The following ZNF385D variants were observed in gnomAD, a reference collection of about 807,000 sequenced individuals.
ZNF385D encodes the protein zinc finger protein 385D.
In ZNF385D, 15 loss-of-function variants were observed where a neutral mutation model predicts 35.8. The observed-to-expected ratio is 0.42, with a 90% confidence interval of 0.28 to 0.64. The LOEUF (loss-of-function observed/expected upper bound fraction) is 0.64, where lower values mean the gene tolerates loss of function less well. Ranked by LOEUF, ZNF385D falls within the 30% of genes least tolerant of loss-of-function variation. ZNF385D has a pLI of 0.23. For missense variants in ZNF385D, 474 were observed against 494.6 expected, an observed-to-expected ratio of 0.96 and a Z score of 0.39; for synonymous variants, 212 against 186.8, an observed-to-expected ratio of 1.13 and a Z score of -1.10.
chr3:22,171,748 G>A (rs1304638383), intron 2 of ZNF385D, among the ~76,000 whole-genome samples: 4 of 151,698 alleles, frequency 2.6e-5, no homozygotes, highest in African/African-American at 7.3e-5. Context: ...GTGGTGCCAG[G>A]CGCCTGTAGT....
intron 3 of ZNF385D, among the ~76,000 whole-genome samples, chr3:21,860,649 T>C (rs932258543): frequency 1.8e-4 from 28 of 152,252 alleles, no homozygotes; most frequent in African/African-American, 5.1e-4. Context: ...ATTGTCAGGT[T>C]TAATAAAATC....
intron 3 of ZNF385D, among the ~76,000 whole-genome samples, chr3:22,060,701 T>G (rs1026412108): frequency 6.6e-6 from 1 of 152,050 alleles, no homozygotes; most frequent in Non-Finnish European, 1.5e-5. Context: ...TTTAGATGAT[T>G]AAAATTAAAG....
chr3:22,158,931 A>T (rs192567187), intron 3 of ZNF385D, among the ~76,000 whole-genome samples: 4 of 152,264 alleles, frequency 2.6e-5, no homozygotes, highest in African/African-American at 9.6e-5. Flanking sequence ...TCTAGGGGAA[A>T]TGTAAAGGAA....
chr3:21,934,556 A>G (rs1207145232), intron 3 of ZNF385D, among the ~76,000 whole-genome samples: 1 of 152,206 alleles, frequency 6.6e-6, no homozygotes, highest in Non-Finnish European at 1.5e-5. Flanking sequence ...CACATATGCA[A>G]AACACAGATG....
intron 1 of ZNF385D, among the ~76,000 whole-genome samples, chr3:21,688,007 A>T (rs1238520148): frequency 6.6e-6 from 1 of 152,020 alleles, no homozygotes; most frequent in Non-Finnish European, 1.5e-5. Flanking sequence ...GGATCCTGCT[A>T]CCTTAGCCTC....
At chr3:22,214,370 G>C (rs1418383575) in intron 2 of ZNF385D, among the ~76,000 whole-genome samples, 1 of 151,958 alleles carries the variant, frequency 6.6e-6, no homozygotes, top group Non-Finnish European at 1.5e-5. Context: ...ATTGTTTGTA[G>C]GGCATGTGTG....
intron 5 of ZNF385D, among the ~76,000 whole-genome samples, chr3:21,433,824 A>T (rs1701417440): frequency 6.6e-6 from 1 of 152,154 alleles, no homozygotes; most frequent in Admixed American, 6.6e-5. Flanking sequence ...TACCATTAAG[A>T]TTTAGTGTAT....
At chr3:21,674,208 T>C (rs140530936) in intron 1 of ZNF385D, among the ~76,000 whole-genome samples, 66 of 152,146 alleles carry the variant, frequency 4.3e-4, no homozygotes, top group African/African-American at 1.5e-3. Flanking sequence ...TTTAATGTCA[T>C]GGAGATTTTT....
At chr3:21,836,273 T>G (rs1356665785) in intron 3 of ZNF385D, among the ~76,000 whole-genome samples, 2 of 152,130 alleles carry the variant, frequency 1.3e-5, no homozygotes, top group Non-Finnish European at 2.9e-5. Flanking sequence ...ATCATTTTCG[T>G]GTCACTTTTT....
At chr3:22,066,490 G>GTGTGTATGTC (rs1699964359) in intron 3 of ZNF385D, among the ~76,000 whole-genome samples, 1 of 147,156 alleles carries the variant, frequency 6.8e-6, no homozygotes, top group Middle Eastern at 3.2e-3. Flanking sequence ...GTGTGTGTGT[G>GTGTGTATGTC]TGTATGTCTG....
intron 1 of ZNF385D, among the ~76,000 whole-genome samples, chr3:21,666,415 C>T (rs2066408352): frequency 6.6e-6 from 1 of 152,172 alleles, no homozygotes; most frequent in Non-Finnish European, 1.5e-5. Context: ...GTATTTTCCC[C>T]CACTGTCTTA....
intron 2 of ZNF385D, among the ~76,000 whole-genome samples, chr3:22,244,306 G>A (rs1013616856): frequency 1.7e-5 from 2 of 117,362 alleles, no homozygotes; most frequent in Non-Finnish European, 3.3e-5. Flanking sequence ...AGAGTTTTAA[G>A]ATAAACTCTC....
chr3:22,127,907 A>G (rs145699994), intron 3 of ZNF385D, among the ~76,000 whole-genome samples: 1 of 152,184 alleles, frequency 6.6e-6, no homozygotes, highest in Non-Finnish European at 1.5e-5. Flanking sequence ...TAGTCTTCCT[A>G]CTAAAGATAT....
intron 3 of ZNF385D, among the ~76,000 whole-genome samples, chr3:22,135,913 A>G (rs1032102333): frequency 3.3e-5 from 5 of 152,212 alleles, no homozygotes; most frequent in Admixed American, 2.0e-4. Flanking sequence ...TACTAAGACA[A>G]TTGCACATCC....
intron 1 of ZNF385D, among the ~76,000 whole-genome samples, chr3:21,740,196 A>C (rs1385713056): frequency 6.6e-6 from 1 of 152,180 alleles, no homozygotes; most frequent in East Asian, 1.9e-4. Context: ...TAGAATAGAA[A>C]TAAGTATACT....
intron 1 of ZNF385D, among the ~76,000 whole-genome samples, chr3:21,738,445 C>G (rs562167316): frequency 1.3e-5 from 2 of 152,272 alleles, no homozygotes; most frequent in South Asian, 4.1e-4. Flanking sequence ...GGTTGCCATA[C>G]TTACAAAAGT....
At chr3:21,943,600 A>G (rs1415237012) in intron 3 of ZNF385D, among the ~76,000 whole-genome samples, 1 of 152,096 alleles carries the variant, frequency 6.6e-6, no homozygotes, top group African/African-American at 2.4e-5. Flanking sequence ...CAAATTATAT[A>G]TACTACTTTG....
At chr3:22,344,299 G>A (rs998554783) in intron 2 of ZNF385D, among the ~76,000 whole-genome samples, 1 of 151,982 alleles carries the variant, frequency 6.6e-6, no homozygotes, top group Non-Finnish European at 1.5e-5. Context: ...ACTACTGACT[G>A]CAGGATTACT....
chr3:22,195,385 T>C (rs1245035858), intron 2 of ZNF385D, among the ~76,000 whole-genome samples: 1 of 151,954 alleles, frequency 6.6e-6, no homozygotes, highest in African/African-American at 2.4e-5. Context: ...AACATATATA[T>C]ATTTTTTCTT....
Sources: allele counts gnomAD v4.1 joint callset (sites outside exome capture counted in the v4.1 genomes callset), GRCh38; gene constraint gnomAD v4.1.1; transcripts MANE v1.5; gene names NCBI Gene and HGNC (gene_info 2026-07-23, HGNC 2026-07-21).